The following SDK1 variants were observed in gnomAD, a reference collection of about 807,000 sequenced individuals.
SDK1 encodes sidekick cell adhesion molecule 1, also known as protein sidekick-1.
SDK1 carries 157 observed loss-of-function variants against 245.5 expected under a neutral mutation model. The ratio of observed to expected loss-of-function variants is 0.64; its 90% CI spans 0.56 to 0.73. SDK1 has a LOEUF of 0.73. Ranked by LOEUF, SDK1 falls within the 30% of genes least tolerant of loss-of-function variation. The pLI is 0.00. For missense variants in SDK1, 3,583 were observed against 3,002.3 expected (o/e 1.19, Z -4.52); for synonymous variants, 1,647 against 1,278.5 (o/e 1.29, Z -6.15).
At chr7:4,130,137 C>A in intron 27 of SDK1, 40 bp downstream of exon 27, 1 of 1,514,002 alleles carries the variant, frequency 6.6e-7, no homozygotes, top group Non-Finnish European at 8.9e-7. Context: ...CTTGCTGCCT[C>A]CCAGGTTGGC....
At chr7:3,970,667 A>C (rs1782422663) in intron 11 of SDK1, among the ~76,000 whole-genome samples, 1 of 152,226 alleles carries the variant, frequency 6.6e-6, no homozygotes. Flanking sequence ...CACTAGCCTG[A>C]CTGGGATAAC....
chr7:3,581,124 A>T (rs1780474307), intron 1 of SDK1, among the ~76,000 whole-genome samples: 1 of 152,128 alleles, frequency 6.6e-6, no homozygotes, highest in Non-Finnish European at 1.5e-5. Context: ...ATCTAATTAA[A>T]CTTAATAGCT....
intron 4 of SDK1, among the ~76,000 whole-genome samples, chr7:3,780,885 G>C (rs1024250971): frequency 2.0e-5 from 3 of 152,126 alleles, no homozygotes; most frequent in African/African-American, 4.8e-5. Context: ...ACAGATTTCA[G>C]AGAAATGAAG....
intron 1 of SDK1, among the ~76,000 whole-genome samples, chr7:3,583,568 T>C (rs566401780): frequency 4.7e-4 from 71 of 152,252 alleles, no homozygotes; most frequent in Non-Finnish European, 8.7e-4. Context: ...ACTGAGTAAC[T>C]AGTAAGTACA....
At chr7:3,661,818 C>T (rs1407754783) in intron 4 of SDK1, among the ~76,000 whole-genome samples, 1 of 152,096 alleles carries the variant, frequency 6.6e-6, no homozygotes, top group Non-Finnish European at 1.5e-5. Flanking sequence ...AGCACCTGGG[C>T]TTCCGGGCAC....
chr7:4,108,297 C>T (rs1028971045), intron 22 of SDK1, among the ~76,000 whole-genome samples: 2 of 152,194 alleles, frequency 1.3e-5, no homozygotes, highest in East Asian at 3.8e-4. Context: ...TCGCCTAGAC[C>T]CTTCCCTTCT....
intron 5 of SDK1, among the ~76,000 whole-genome samples, chr7:3,853,778 C>G (rs1780474533): frequency 6.6e-6 from 1 of 152,028 alleles, no homozygotes; most frequent in Non-Finnish European, 1.5e-5. Context: ...TTCACGAGGT[C>G]AAGACATTGA....
chr7:3,324,812 C>A (rs1210605608), intron 1 of SDK1, among the ~76,000 whole-genome samples: 1 of 152,002 alleles, frequency 6.6e-6, no homozygotes, highest in Non-Finnish European at 1.5e-5. Context: ...TTTTATTAAA[C>A]CTATGCCCAG....
chr7:3,529,100 T>C (rs1783253817), intron 1 of SDK1, among the ~76,000 whole-genome samples: 1 of 152,072 alleles, frequency 6.6e-6, no homozygotes, highest in Admixed American at 6.5e-5. Flanking sequence ...GATTTATAAA[T>C]GTGGAAAGGG....
At chr7:4,061,166 C>A (rs1246251161) in intron 19 of SDK1, among the ~76,000 whole-genome samples, 1 of 151,806 alleles carries the variant, frequency 6.6e-6, no homozygotes, top group Non-Finnish European at 1.5e-5. Context: ...TAGTTTTTTC[C>A]AATTCTGTGA....
intron 1 of SDK1, among the ~76,000 whole-genome samples, chr7:3,467,655 G>A (rs1465418098): frequency 4.6e-5 from 7 of 152,036 alleles, no homozygotes; most frequent in Admixed American, 4.6e-4. Flanking sequence ...TAAGAACAAA[G>A]TTTGTTTAAA....
intron 30 of SDK1, among the ~76,000 whole-genome samples, 164 bp downstream of exon 30, chr7:4,149,627 C>G (rs1780220646): frequency 6.6e-6 from 1 of 152,202 alleles, no homozygotes; most frequent in Non-Finnish European, 1.5e-5. Flanking sequence ...TCCCAGAACT[C>G]CTGGGTCCTG....
At chr7:3,427,943 C>G (rs976313131) in intron 1 of SDK1, among the ~76,000 whole-genome samples, 2 of 151,812 alleles carry the variant, frequency 1.3e-5, no homozygotes, top group Non-Finnish European at 2.9e-5. Flanking sequence ...TCAGCTATTT[C>G]TTCTCTAAAC....
At chr7:3,330,961 G>C (rs1324629001) in intron 1 of SDK1, among the ~76,000 whole-genome samples, 1 of 151,680 alleles carries the variant, frequency 6.6e-6, no homozygotes, top group African/African-American at 2.4e-5. Context: ...GTAAGACCCT[G>C]TCTCTTAAAA....
chr7:3,338,526 A>T, intron 1 of SDK1: 1 of 431,646 alleles, frequency 2.3e-6, no homozygotes, highest in Admixed American at 2.7e-5. Flanking sequence ...CTGTTCCCAG[A>T]GAAGCACACT....
At chr7:4,206,679 C>T (rs547850680) in intron 36 of SDK1, among the ~76,000 whole-genome samples, 104 of 152,272 alleles carry the variant, frequency 6.8e-4, no homozygotes, top group African/African-American at 2.5e-3. Flanking sequence ...CACGTCCCAT[C>T]CCTGAGGCCT....
chr7:4,226,173 T>C (rs1291558067), intron 40 of SDK1, among the ~76,000 whole-genome samples: 1 of 152,208 alleles, frequency 6.6e-6, no homozygotes, highest in Non-Finnish European at 1.5e-5. Context: ...CAAGACGTTC[T>C]CCAGGTGGGG....
At chr7:3,951,944 T>A (rs1385392020) in intron 7 of SDK1, 24 bp downstream of exon 7, 2 of 1,598,554 alleles carry the variant, frequency 1.3e-6, no homozygotes, top group African/African-American at 1.4e-5. Context: ...CTCTAAGTGG[T>A]GTTGCCAGCA....
chr7:3,625,702 T>C (rs1451856595), intron 2 of SDK1, among the ~76,000 whole-genome samples: 2 of 152,126 alleles, frequency 1.3e-5, no homozygotes, highest in Non-Finnish European at 2.9e-5. Context: ...TAAATATGGG[T>C]CCCATGGTTA....
Sources: allele counts gnomAD v4.1 joint callset (sites outside exome capture counted in the v4.1 genomes callset), GRCh38; gene constraint gnomAD v4.1.1; transcripts MANE v1.5; gene names NCBI Gene and HGNC (gene_info 2026-07-23, HGNC 2026-07-21).